Variants in PLA2G7 observed in about 807,000 individuals in gnomAD.
PLA2G7 encodes the protein platelet-activating factor acetylhydrolase.
PLA2G7 carries 63 observed loss-of-function variants against 49.6 expected under a neutral mutation model. The ratio of observed to expected loss-of-function variants is 1.27; its 90% CI spans 1.04 to 1.57. The LOEUF is 1.57. Ranked by LOEUF, PLA2G7 falls within the 40% of genes most tolerant of loss-of-function variation. The pLI is 0.00. For missense variants in PLA2G7, 596 were observed against 521.2 expected, an observed-to-expected ratio of 1.14 and a Z score of -1.40; for synonymous variants, 193 against 169.9, an observed-to-expected ratio of 1.14 and a Z score of -1.06.
At chr6:46,735,474 C>G (rs1416230083), upstream of PLA2G7, 3 of 152,432 alleles carry the variant, frequency 2.0e-5, no homozygotes, top group East Asian at 5.8e-4. Context: ...GCCCCGGCCT[C>G]TCACTAGCAG....
chr6:46,732,676 A>G (rs1765770597), intron 1 of PLA2G7, among the ~76,000 whole-genome samples: 1 of 152,162 alleles, frequency 6.6e-6, no homozygotes, highest in Non-Finnish European at 1.5e-5. Flanking sequence ...CTCAACTGCT[A>G]AGTTTCTTTA....
intron 1 of PLA2G7, among the ~76,000 whole-genome samples, chr6:46,729,523 C>T (rs1209968682): frequency 6.6e-6 from 1 of 152,182 alleles, no homozygotes; most frequent in Non-Finnish European, 1.5e-5. Context: ...TATAAATGAA[C>T]TCATTTAGTC....
chr6:46,705,469 G>A (rs1415868192), intron 10 of PLA2G7, among the ~76,000 whole-genome samples, 168 bp from the exon 11 acceptor site: 8 of 152,198 alleles, frequency 5.3e-5, no homozygotes. Context: ...GTCACAGGCT[G>A]TTTGTTTAGG....
chr6:46,709,361 C>A lies in PLA2G7; in HGVS notation c.835G>T (p.Val279Phe), dbSNP rs76863441. ...VIGHSFGGATVIQTLSEDQRF... is the reference protein window; with the variant it reads ...VIGHSFGGATFIQTLSEDQRF... Reference sequence around the variant, plus strand: ...TGATCTTCACTAAGAGTCTGAATAACCGTTGCTCCACCAAAAGAATGTCCA... The same window carrying A: ...TGATCTTCACTAAGAGTCTGAATAAACGTTGCTCCACCAAAAGAATGTCCA... The change falls in exon 9 of 12, where the codon GTT becomes TTT. Residue 279 changes from valine to phenylalanine, a missense_variant. Physicochemically the swap from Val to Phe is conservative, Grantham distance 50 (BLOSUM62 -1). Coordinates refer to ENST00000274793, the MANE Select transcript of PLA2G7 (RefSeq NM_005084.4). 3.5e-3 allele frequency: 5,676 copies of A among 1,607,748 alleles called. 399 individuals carry two copies. In the East Asian group the frequency reaches 0.12, roughly 33 times the overall value.
Position 46,704,472 on chromosome 6 carries a change from TCTCTCTCACA to T in PLA2G7, c.*78_*87del, listed in dbSNP as rs1343554181. 0.016 allele frequency: 1,632 copies of T among 101,758 alleles called. 4 individuals are homozygous for T. Among genetic ancestry groups the T allele is most frequent in the East Asian group, 0.14 (435 of 3,136 alleles). 6.3% of individuals were successfully genotyped at this position (101,758 alleles called of 1,614,324 possible). On this transcript the variant is annotated 3_prime_UTR_variant, in exon 12 of 12. Transcript: ENST00000274793. ...CTCTCTCTCTCTCTCTCTCTCTCTC[TCTCTCTCACA>T]CACACACACACACACACACACACAC...
intron 7 of PLA2G7, 49 bp downstream of exon 7, chr6:46,711,447 T>C: frequency 6.2e-7 from 1 of 1,605,716 alleles, no homozygotes; most frequent in Non-Finnish European, 8.5e-7. Flanking sequence ...GTCATCCTTT[T>C]GTACATGCTT....
At chr6:46,720,357 C>A (rs1263804305) in intron 2 of PLA2G7, among the ~76,000 whole-genome samples, 1 of 152,240 alleles carries the variant, frequency 6.6e-6, no homozygotes, top group Non-Finnish European at 1.5e-5. Context: ...GGTTGTCCAA[C>A]ACCTGTTCTC....
intron 5 of PLA2G7, among the ~76,000 whole-genome samples, chr6:46,713,117 A>G (rs1765084774): frequency 6.6e-6 from 1 of 152,238 alleles, no homozygotes; most frequent in African/African-American, 2.4e-5. Flanking sequence ...AAATGATTGG[A>G]CTGGGTGAAA....
chr6:46,705,902 CCTT>C (rs1258122238), intron 10 of PLA2G7, among the ~76,000 whole-genome samples: 3 of 152,040 alleles, frequency 2.0e-5, no homozygotes, highest in African/African-American at 7.2e-5. Flanking sequence ...CACTTGATGG[CCTT>C]CTTGCACTTT....
At chr6:46,708,675 T>C (rs913610273) in intron 9 of PLA2G7, among the ~76,000 whole-genome samples, 5 of 152,178 alleles carry the variant, frequency 3.3e-5, no homozygotes, top group African/African-American at 1.2e-4. Flanking sequence ...ACTTCCTTTT[T>C]AAAAGTAAGT....
intron 1 of PLA2G7, among the ~76,000 whole-genome samples, chr6:46,729,378 A>G (rs1254113107): frequency 6.6e-6 from 1 of 152,220 alleles, no homozygotes; most frequent in Non-Finnish European, 1.5e-5. Flanking sequence ...CATAGGCAAG[A>G]TTAGAAATGA....
At chr6:46,707,816 T>C (rs953912990) in intron 10 of PLA2G7, among the ~76,000 whole-genome samples, 175 bp downstream of exon 10, 1 of 152,186 alleles carries the variant, frequency 6.6e-6, no homozygotes, top group Admixed American at 6.5e-5. Context: ...AACATTCCCA[T>C]TTTAAAAAGA....
At chr6:46,709,886 A>G (rs971734135) in intron 8 of PLA2G7, among the ~76,000 whole-genome samples, 1 of 152,176 alleles carries the variant, frequency 6.6e-6, no homozygotes, top group Admixed American at 6.5e-5. Flanking sequence ...CACATGACAG[A>G]CAGCGAGCCC....
intron 5 of PLA2G7, among the ~76,000 whole-genome samples, chr6:46,712,928 C>T (rs899150234): frequency 6.6e-6 from 1 of 152,154 alleles, no homozygotes; most frequent in Non-Finnish European, 1.5e-5. Context: ...CTGGTTCTAC[C>T]ACTTGTTAGC....
rs1246695441 is a variant in PLA2G7 at position 46,705,153 on chromosome 6, C to A, written c.1189G>T (p.Gly397Ter). 1 of 1,604,668 alleles carries A rather than the reference C, an allele frequency of 6.2e-7. No homozygotes were observed. Among genetic ancestry groups the A allele is most frequent in the South Asian group, 1.1e-5 (1 of 90,882 alleles). ...ASLAFLQKHL[G>*]LHKDFDQWDC... Reference sequence around the variant, plus strand: ...GGTCATGAAAAAAATAGTTTCTTACCTAAATGCTTTTGTAAGAATGCTAAT... The same window carrying A: ...GGTCATGAAAAAAATAGTTTCTTACATAAATGCTTTTGTAAGAATGCTAAT... The change falls in exon 11 of 12, where the codon GGA (glycine) becomes TGA (stop). Residue 397 changes from glycine (G) to a stop codon, truncating the protein, a stop_gained and splice_region_variant. Coordinates refer to ENST00000274793, the MANE Select transcript of PLA2G7 (RefSeq NM_005084.4). LOFTEE classifies it low-confidence loss of function (END_TRUNC).
At chr6:46,704,722 C>T (rs1211461923) in intron 11 of PLA2G7, 26 bp from the exon 12 acceptor site, 1 of 1,303,684 alleles carries the variant, frequency 7.7e-7, no homozygotes, top group Non-Finnish European at 1.1e-6. Context: ...TGTTAATCAA[C>T]ATATTAAACT....
At chr6:46,710,787 A>G (rs761152010) in intron 7 of PLA2G7, 129 bp from the exon 8 acceptor site, 3 of 708,574 alleles carry the variant, frequency 4.2e-6, no homozygotes, top group Non-Finnish European at 5.1e-6. Context: ...ATTAGTGACT[A>G]TTACTTGCTA....
At chr6:46,734,663 A>C (rs566647336) in intron 1 of PLA2G7, among the ~76,000 whole-genome samples, 6 of 151,956 alleles carry the variant, frequency 3.9e-5, no homozygotes, top group African/African-American at 9.7e-5. Context: ...TCTACTAAAA[A>C]TTCAAAAAAA....
intron 1 of PLA2G7, among the ~76,000 whole-genome samples, chr6:46,724,437 C>T (rs569785699): frequency 2.6e-5 from 4 of 152,138 alleles, no homozygotes; most frequent in Non-Finnish European, 5.9e-5. Context: ...TTTAATGATC[C>T]GGTGTCCCAC....
Sources: allele counts gnomAD v4.1 joint callset (sites outside exome capture counted in the v4.1 genomes callset), GRCh38; gene constraint gnomAD v4.1.1; transcripts MANE v1.5; gene names NCBI Gene and HGNC (gene_info 2026-07-23, HGNC 2026-07-21).